FHOD3: variants seen among roughly 807,000 people sequenced by gnomAD.
The protein encoded by FHOD3 is formin homology 2 domain containing 3.
FHOD3 carries 90 observed loss-of-function variants against 173.0 expected under a neutral mutation model. That is an observed-to-expected ratio of 0.52 (90% CI 0.44 to 0.62). The LOEUF (loss-of-function observed/expected upper bound fraction) is 0.62, where lower values mean the gene tolerates loss of function less well. FHOD3 is among the 20% of genes least tolerant of loss of function. The probability of loss-of-function intolerance (pLI) is 0.00; values close to 1 mark genes in which losing one functional copy is unlikely to be tolerated. For synonymous variants in FHOD3, 828 were observed against 823.0 expected (o/e 1.01, Z -0.10); for missense variants, 1,945 against 2,034.7 (o/e 0.96, Z 0.85).
At chr18:36,356,463 T>A (rs915650499) in intron 2 of FHOD3, among the ~76,000 whole-genome samples, 5 of 152,180 alleles carry the variant, frequency 3.3e-5, no homozygotes, top group Non-Finnish European at 5.9e-5. Flanking sequence ...AAATAGCCCC[T>A]GATGGGGCCC....
intron 15 of FHOD3, among the ~76,000 whole-genome samples, chr18:36,684,202 C>A (rs2038445454): frequency 6.6e-6 from 1 of 152,086 alleles, no homozygotes; most frequent in African/African-American, 2.4e-5. Context: ...TGAACTTAAC[C>A]CGGTTGATTA....
chr18:36,299,300 A>G (rs1230318670), intron 1 of FHOD3, among the ~76,000 whole-genome samples: 1 of 152,210 alleles, frequency 6.6e-6, no homozygotes, highest in Non-Finnish European at 1.5e-5. Context: ...ACAAAAGCAC[A>G]TTTGATTGGG....
intron 1 of FHOD3, among the ~76,000 whole-genome samples, chr18:36,319,749 TC>T (rs1245203326): frequency 6.6e-6 from 1 of 152,150 alleles, no homozygotes. Flanking sequence ...AAAACACTCC[TC>T]AGCAAATGTA....
At chr18:36,737,374 C>T (rs746125531) in intron 20 of FHOD3, among the ~76,000 whole-genome samples, 2 of 152,168 alleles carry the variant, frequency 1.3e-5, no homozygotes, top group Non-Finnish European at 2.9e-5. Context: ...TTTAGAGAAG[C>T]ATTTATTTTG....
intron 3 of FHOD3, among the ~76,000 whole-genome samples, chr18:36,394,081 C>A (rs368377445): frequency 6.6e-6 from 1 of 152,116 alleles, no homozygotes; most frequent in Non-Finnish European, 1.5e-5. Flanking sequence ...ATCCAACCTA[C>A]TTGGGCAGAT....
chr18:36,769,441 G>A lies in FHOD3; in HGVS notation c.4786+15G>A. On this transcript the variant is annotated intron_variant, in intron 28 of 28. Transcript: ENST00000590592. ...CCGGAAATCTTGTGAGTGCATTAAA[G>A]GAGGGGCGAGCCTTCACCCCTACAG... The A allele has an allele frequency of 6.2e-7, 1 of 1,612,760 alleles. No individual in the cohort carries two copies. The highest frequency in any genetic ancestry group is 8.5e-7 in the Non-Finnish European group (1 of 1,179,358).
chr18:36,729,921 G>A (rs537688021), intron 19 of FHOD3, among the ~76,000 whole-genome samples: 220 of 152,278 alleles, frequency 1.4e-3, no homozygotes, highest in Non-Finnish European at 2.6e-3. Flanking sequence ...CACATAAAAG[G>A]GCTTTGAGAA....
intron 1 of FHOD3, among the ~76,000 whole-genome samples, chr18:36,325,481 T>A (rs1211581731): frequency 1.3e-5 from 2 of 152,210 alleles, no homozygotes; most frequent in African/African-American, 2.4e-5. Flanking sequence ...TTTATCCTTA[T>A]CCCTGAGTGC....
At chr18:36,458,276 G>C (rs1454622684) in intron 3 of FHOD3, among the ~76,000 whole-genome samples, 4 of 152,200 alleles carry the variant, frequency 2.6e-5, no homozygotes, top group African/African-American at 9.7e-5. Flanking sequence ...TAATTAGTTT[G>C]AGCAGTAGAG....
chr18:36,452,090 G>A (rs1197140835), intron 3 of FHOD3, among the ~76,000 whole-genome samples: 1 of 152,148 alleles, frequency 6.6e-6, no homozygotes, highest in Non-Finnish European at 1.5e-5. Flanking sequence ...GACCGGCCAC[G>A]TCATAAGCTG....
At chr18:36,363,045 C>A (rs2046712522) in intron 2 of FHOD3, among the ~76,000 whole-genome samples, 1 of 152,062 alleles carries the variant, frequency 6.6e-6, no homozygotes, top group Non-Finnish European at 1.5e-5. Context: ...AGAAAGATAT[C>A]CAACATTACA....
intron 3 of FHOD3, among the ~76,000 whole-genome samples, chr18:36,475,751 T>TACACACACACAC (rs58982535): frequency 1.0e-4 from 15 of 142,966 alleles, no homozygotes; most frequent in Non-Finnish European, 1.9e-4. Context: ...TATAGAAACA[T>TACACACACACAC]ACACACACAC....
At chr18:36,566,191 T>C (rs1274155977) in intron 5 of FHOD3, among the ~76,000 whole-genome samples, 1 of 152,200 alleles carries the variant, frequency 6.6e-6, no homozygotes, top group African/African-American at 2.4e-5. Flanking sequence ...ACTTCATCAA[T>C]GGCGTTTTGG....
At chr18:36,779,413 C>A in intron 28 of FHOD3, 35 bp from the exon 29 acceptor site, 9 of 1,604,288 alleles carry the variant, frequency 5.6e-6, no homozygotes, top group Non-Finnish European at 7.7e-6. Flanking sequence ...CTTTTCTTCT[C>A]ATCCCTTTGG....
At chr18:36,425,788 A>G (rs565879351) in intron 3 of FHOD3, among the ~76,000 whole-genome samples, 1 of 152,298 alleles carries the variant, frequency 6.6e-6, no homozygotes, top group East Asian at 1.9e-4. Context: ...TTGAGTGTGT[A>G]CCTATAATTG....
intron 3 of FHOD3, among the ~76,000 whole-genome samples, chr18:36,399,144 G>T (rs774217621): frequency 6.6e-6 from 1 of 152,154 alleles, no homozygotes; most frequent in East Asian, 1.9e-4. Flanking sequence ...CTGAAAACAG[G>T]CCCATCACAT....
chr18:36,725,247 C>CA (rs1175131867), intron 19 of FHOD3, among the ~76,000 whole-genome samples: 2 of 152,158 alleles, frequency 1.3e-5, no homozygotes, highest in Non-Finnish European at 2.9e-5. Flanking sequence ...CAAATTAAGA[C>CA]AAAAAACCCA....
intron 6 of FHOD3, among the ~76,000 whole-genome samples, chr18:36,579,888 A>T (rs1484114254): frequency 6.6e-6 from 1 of 152,094 alleles, no homozygotes; most frequent in Non-Finnish European, 1.5e-5. Flanking sequence ...AGAGGGAGAG[A>T]TAGAAAAGAG....
intron 24 of FHOD3, among the ~76,000 whole-genome samples, chr18:36,749,908 T>C (rs2042328066): frequency 6.6e-6 from 1 of 152,232 alleles, no homozygotes; most frequent in Non-Finnish European, 1.5e-5. Context: ...CATTGTGGTT[T>C]AGATTTGCAT....
Sources: allele counts gnomAD v4.1 joint callset (sites outside exome capture counted in the v4.1 genomes callset), GRCh38; gene constraint gnomAD v4.1.1; transcripts MANE v1.5; gene names NCBI Gene and HGNC (gene_info 2026-07-23, HGNC 2026-07-21).